Variants in EPB41L5 observed in about 807,000 individuals in gnomAD.
EPB41L5 encodes the protein band 4.1-like protein 5.
In EPB41L5, 55 loss-of-function variants were observed where a neutral mutation model predicts 106.6. The ratio of observed to expected loss-of-function variants is 0.52; its 90% CI spans 0.42 to 0.65. EPB41L5 has a LOEUF of 0.65. EPB41L5 is among the 30% of genes least tolerant of loss of function. The pLI, the probability that EPB41L5 is intolerant of heterozygous loss-of-function variation, is 0.00. For synonymous variants in EPB41L5, 297 were observed against 306.7 expected (o/e 0.97, Z 0.33); for missense variants, 871 against 882.1 (o/e 0.99, Z 0.16).
At chr2:120,163,061 G>A (rs546756718) in intron 21 of EPB41L5, among the ~76,000 whole-genome samples, 1 of 152,010 alleles carries the variant, frequency 6.6e-6, no homozygotes, top group African/African-American at 2.4e-5. Context: ...AGATGAGACT[G>A]GGCAACATAG....
chr2:120,157,433 A>AT, intron 20 of EPB41L5, among the ~76,000 whole-genome samples: 1 of 152,080 alleles, frequency 6.6e-6, no homozygotes, highest in Non-Finnish European at 1.5e-5. Context: ...AGAAAAAAAA[A>AT]AATTAGAGCT....
intron 16 of EPB41L5, among the ~76,000 whole-genome samples, chr2:120,101,242 G>C (rs1684126130): frequency 6.6e-6 from 1 of 152,168 alleles, no homozygotes; most frequent in Admixed American, 6.5e-5. Flanking sequence ...AAGACGAAGG[G>C]TAAAGTCAGA....
At chr2:120,049,382 C>T (rs1680058313) in intron 3 of EPB41L5, among the ~76,000 whole-genome samples, 2 of 152,174 alleles carry the variant, frequency 1.3e-5, no homozygotes, top group Admixed American at 6.5e-5. Flanking sequence ...ATAGTTAGCT[C>T]TTCTTGTTGA....
At chr2:120,111,772 C>T (rs1026567723) in intron 16 of EPB41L5, among the ~76,000 whole-genome samples, 5 of 152,148 alleles carry the variant, frequency 3.3e-5, no homozygotes, top group Non-Finnish European at 4.4e-5. Context: ...AACAGCAGAT[C>T]ATGTCATTTC....
intron 19 of EPB41L5, among the ~76,000 whole-genome samples, chr2:120,143,662 C>T (rs1686279026): frequency 6.6e-6 from 1 of 152,126 alleles, no homozygotes; most frequent in African/African-American, 2.4e-5. Flanking sequence ...CAGTTGTCAA[C>T]TAGGATTTCA....
chr2:120,155,319 A>G (rs1304465928), intron 20 of EPB41L5, among the ~76,000 whole-genome samples: 2 of 152,190 alleles, frequency 1.3e-5, no homozygotes, highest in Non-Finnish European at 1.5e-5. Flanking sequence ...GCTTTTAAAT[A>G]TGTCATCCCA....
chr2:120,020,618 T>C (rs1455846974), intron 2 of EPB41L5, among the ~76,000 whole-genome samples: 1 of 152,214 alleles, frequency 6.6e-6, no homozygotes, highest in Admixed American at 6.5e-5. Context: ...GTGAGGATAG[T>C]TTTCATACTC....
chr2:120,166,376 T>TATTA (rs903369171), intron 22 of EPB41L5, among the ~76,000 whole-genome samples: 1 of 152,232 alleles, frequency 6.6e-6, no homozygotes, highest in Non-Finnish European at 1.5e-5. Flanking sequence ...TTTTGTTTAC[T>TATTA]ATTATTTATG....
intron 10 of EPB41L5, among the ~76,000 whole-genome samples, chr2:120,082,315 A>G (rs976325409): frequency 6.6e-6 from 1 of 152,210 alleles, no homozygotes; most frequent in African/African-American, 2.4e-5. Flanking sequence ...AGTTTTTACC[A>G]TGAAGGCTGT....
chr2:120,028,680 G>A (rs1574482953), intron 2 of EPB41L5, among the ~76,000 whole-genome samples: 1 of 152,202 alleles, frequency 6.6e-6, no homozygotes, highest in Non-Finnish European at 1.5e-5. Flanking sequence ...ATAGGAAAGA[G>A]TGCCTGCTTA....
chr2:120,100,071 T>C (rs1335008786), intron 14 of EPB41L5, among the ~76,000 whole-genome samples, 173 bp from the exon 15 acceptor site: 1 of 152,230 alleles, frequency 6.6e-6, no homozygotes, highest in African/African-American at 2.4e-5. Context: ...AACAAATGTT[T>C]TCAGGTATCT....
chr2:120,148,521 C>T (rs1304014558), intron 20 of EPB41L5, among the ~76,000 whole-genome samples: 1 of 152,084 alleles, frequency 6.6e-6, no homozygotes, highest in Non-Finnish European at 1.5e-5. Flanking sequence ...ACTCCATATT[C>T]TGCTTCTTGC....
chr2:120,107,910 T>C (rs552865029), intron 16 of EPB41L5, among the ~76,000 whole-genome samples: 4 of 152,214 alleles, frequency 2.6e-5, no homozygotes, highest in Non-Finnish European at 5.9e-5. Flanking sequence ...TAATGCACTT[T>C]AGTTGCTTTG....
intron 20 of EPB41L5, among the ~76,000 whole-genome samples, chr2:120,151,922 T>C (rs1284666216): frequency 6.6e-6 from 1 of 152,176 alleles, no homozygotes; most frequent in Non-Finnish European, 1.5e-5. Context: ...CAGCTGGTTT[T>C]TTCTGCATTC....
intron 7 of EPB41L5, 132 bp from the exon 8 acceptor site, chr2:120,076,839 C>A: frequency 2.6e-6 from 2 of 762,772 alleles, no homozygotes; most frequent in Non-Finnish European, 4.0e-6. Context: ...CTTTTGGAGA[C>A]TTGTCTGAGT....
rs547475711 is a variant in EPB41L5, at chr2:120,176,999, C to G, written c.*2092C>G. Reference sequence around the variant, plus strand: ...ATTTCAAGCTCAGAGGAAACTTTGTCTCATGCCCTGACATGAAGTGGCAAA... The same window carrying G: ...ATTTCAAGCTCAGAGGAAACTTTGTGTCATGCCCTGACATGAAGTGGCAAA... On this transcript the variant is annotated 3_prime_UTR_variant, in exon 25 of 25. Coordinates refer to ENST00000263713, the MANE Select transcript of EPB41L5 (RefSeq NM_020909.4). 1 of 152,290 alleles carries G rather than the reference C, an allele frequency of 6.6e-6. No homozygotes were observed. The highest frequency in any genetic ancestry group is 1.9e-4 in the East Asian group (1 of 5,186). 9.4% of individuals were successfully genotyped at this position (152,290 alleles called of 1,614,324 possible).
Position 120,127,822 on chromosome 2 carries a change from G to T in EPB41L5, c.1472G>T (p.Gly491Val). The change falls in exon 17 of 25, where the codon GGA becomes GTA. Residue 491 changes from glycine (G) to valine (V), a missense_variant. Coordinates refer to ENST00000263713, the MANE Select transcript of EPB41L5 (RefSeq NM_020909.4). ...GTTAATGTAGCCACCAGGCTTCCGG[G>T]ATTAGGGGAACCTGAAGTTGAATAT... ...NDVNVATRLP[G>V]LGEPEVEYET... 6.2e-7 allele frequency: 1 copy of T among 1,611,630 alleles called. No individual in the cohort carries two copies. The highest frequency in any genetic ancestry group is 1.3e-5 in the African/African-American group (1 of 75,026).
Position 120,055,249 on chromosome 2 carries a change from A to G in EPB41L5, c.285+13139A>G, listed in dbSNP as rs116208226. Among the ~76,000 whole-genome samples the G allele has an allele frequency of 1.5e-3, 230 of 152,240 alleles. 1 individual carries two copies. The highest frequency in any genetic ancestry group is 6.8e-3 in the Middle Eastern group (2 of 294). On this transcript the variant is annotated intron_variant, in intron 3 of 24. Transcript: ENST00000263713. Reference sequence around the variant, plus strand: ...TTTGTAGTAAGTCTTAAAATTGGGAAGTGTGAGTTCTCCAGCTGTCTTCTT... The same window carrying G: ...TTTGTAGTAAGTCTTAAAATTGGGAGGTGTGAGTTCTCCAGCTGTCTTCTT...
chr2:120,042,994 AATGTGT>A (rs1184843526), intron 3 of EPB41L5, among the ~76,000 whole-genome samples: 2 of 71,190 alleles, frequency 2.8e-5, no homozygotes, highest in African/African-American at 5.8e-5. Flanking sequence ...TTTTTCTGGA[AATGTGT>A]GTGTGTGTGT....
Sources: gnomAD v4.1 joint callset for allele counts (sites outside exome capture counted in the v4.1 genomes callset) on GRCh38, gnomAD v4.1.1 for gene constraint, MANE v1.5 for transcripts, NCBI Gene and HGNC (gene_info 2026-07-23, HGNC 2026-07-21) for gene names.